Variants in PDE8B observed in about 807,000 individuals in gnomAD.
PDE8B encodes the protein phosphodiesterase 8B, also known as high affinity cAMP-specific and IBMX-insensitive 3',5'-cyclic phosphodiesterase 8B.
A neutral mutation model predicts 101.3 loss-of-function variants in PDE8B; 26 were observed. That is an observed-to-expected ratio of 0.26 (90% CI 0.19 to 0.36). The LOEUF is 0.36. Among genes scored for constraint, PDE8B ranks in the 10% least tolerant of loss-of-function variants. The pLI is 1.00. For synonymous variants in PDE8B, 424 were observed against 429.3 expected, an observed-to-expected ratio of 0.99 and a Z score of 0.15; for missense variants, 810 against 1,163.1, an observed-to-expected ratio of 0.70 and a Z score of 4.42.
chr5:77,407,578 A>G (rs1793740604), intron 13 of PDE8B, 121 bp downstream of exon 13: 1 of 754,652 alleles, frequency 1.3e-6, no homozygotes, highest in Admixed American at 1.9e-5. Flanking sequence ...ATAACAGGCA[A>G]ATAAACACAT....
chr5:77,124,061 A>G, the PDE8B span, among the ~76,000 whole-genome samples: 2 of 152,374 alleles, frequency 1.3e-5, no homozygotes, highest in South Asian at 4.1e-4. Flanking sequence ...AAAAGGATCA[A>G]ACTAATCTGC....
intron 1 of PDE8B, among the ~76,000 whole-genome samples, chr5:77,299,680 C>T (rs151066596): frequency 0.016 from 2,380 of 152,054 alleles, 71 homozygotes; most frequent in East Asian, 0.13. Context: ...CGTTGTTGGA[C>T]ATTTGGGTTG....
At chr5:77,333,628 A>G (rs556369824) in intron 5 of PDE8B, among the ~76,000 whole-genome samples, 6 of 152,262 alleles carry the variant, frequency 3.9e-5, no homozygotes, top group African/African-American at 1.2e-4. Context: ...TCCAACCTCA[A>G]ACTGGTCTAG....
At chr5:77,108,707 A>G in the PDE8B span, among the ~76,000 whole-genome samples, 14 of 152,340 alleles carry the variant, frequency 9.2e-5, no homozygotes, top group East Asian at 1.9e-3. Context: ...TATAAATGCA[A>G]TGAAAAAAAT....
intron 12 of PDE8B, 127 bp downstream of exon 12, chr5:77,404,924 A>G (rs750041580): frequency 1.0e-5 from 7 of 684,656 alleles, no homozygotes; most frequent in Admixed American, 2.1e-5. Context: ...TTATTTTTCA[A>G]TAAGCTCAAA....
chr5:77,210,570 GGGC>G, upstream of PDE8B: 1 of 953,806 alleles, frequency 1.0e-6, no homozygotes, highest in Non-Finnish European at 1.2e-6. This position sits in a 1 kb window ranked among gnomAD's most constrained non-coding sequence, Gnocchi z 4.9. Context: ...AGGTCGAGCT[GGGC>G]GGCGGCGGGG....
intron 10 of PDE8B, among the ~76,000 whole-genome samples, chr5:77,393,541 T>A (rs2150942901): frequency 6.6e-6 from 1 of 152,284 alleles, no homozygotes; most frequent in African/African-American, 2.4e-5. Context: ...AATAAAAAAA[T>A]TACAGGACCA....
Position 77,289,198 on chromosome 5 carries a change from C to T in PDE8B, c.340-22796C>T, listed in dbSNP as rs146700952. Among the ~76,000 whole-genome samples the T allele has an allele frequency of 5.5e-4, 84 of 152,160 alleles. 1 individual carries two copies. The East Asian group carries it at 8.7e-3, about 16-fold the overall frequency. On this transcript the variant is annotated intron_variant, in intron 1 of 21. Coordinates refer to ENST00000264917, the MANE Select transcript of PDE8B (RefSeq NM_003719.5). ...TCAGATTCTCTAAAAGGTTTTGAAA[C>T]GTAAGGTGAAAAGGGAAATGATAAA...
At chr5:77,412,982 G>C (rs982360891) in intron 16 of PDE8B, 129 bp from the exon 17 acceptor site, 213 of 794,116 alleles carry the variant, frequency 2.7e-4, no homozygotes, top group East Asian at 2.5e-3. Flanking sequence ...TAGAGGAGAT[G>C]CTTTTAAACC....
chr5:77,179,938 G>A, the PDE8B span, among the ~76,000 whole-genome samples: 2 of 152,066 alleles, frequency 1.3e-5, no homozygotes, highest in South Asian at 2.1e-4. Context: ...ATATGTATAG[G>A]GACCAATATC....
intron 1 of PDE8B, chr5:77,290,956 G>T: frequency 6.2e-7 from 1 of 1,611,720 alleles, no homozygotes. Context: ...GCAGATACCG[G>T]CACAGCAATG....
intron 10 of PDE8B, among the ~76,000 whole-genome samples, chr5:77,364,384 C>T (rs1475424137): frequency 6.6e-6 from 1 of 152,208 alleles, no homozygotes; most frequent in African/African-American, 2.4e-5. Context: ...ACTCAAGCGT[C>T]TGGATCTTCG....
At chr5:77,162,643 G>A in the PDE8B span, among the ~76,000 whole-genome samples, 7 of 152,158 alleles carry the variant, frequency 4.6e-5, no homozygotes, top group African/African-American at 1.7e-4. Flanking sequence ...TAATCTTGAT[G>A]TTATGTTTGG....
At chr5:77,128,646 A>T in the PDE8B span, among the ~76,000 whole-genome samples, 10 of 152,346 alleles carry the variant, frequency 6.6e-5, no homozygotes, top group African/African-American at 2.4e-4. Context: ...GGCCAAAAGG[A>T]TGTGAAATGG....
At chr5:77,212,698 C>G (rs919112004) in intron 1 of PDE8B, among the ~76,000 whole-genome samples, 3 of 152,154 alleles carry the variant, frequency 2.0e-5, no homozygotes, top group African/African-American at 7.2e-5. Context: ...GTTGCCCATT[C>G]GTTACAGAGG....
At chr5:77,301,015 A>G (rs1479820524) in intron 1 of PDE8B, among the ~76,000 whole-genome samples, 1 of 152,210 alleles carries the variant, frequency 6.6e-6, no homozygotes, top group Non-Finnish European at 1.5e-5. Flanking sequence ...CCCGACAAGG[A>G]TTCATTACCC....
chr5:77,101,158 G>A, the PDE8B span, among the ~76,000 whole-genome samples: 81,165 of 147,660 alleles, frequency 0.55, 23,696 homozygotes, highest in African/African-American at 0.75. Flanking sequence ...TTTGGTAGAG[G>A]TGGGGTCATG....
chr5:77,371,718 TG>T (rs1785111818), intron 10 of PDE8B, among the ~76,000 whole-genome samples: 1 of 152,330 alleles, frequency 6.6e-6, no homozygotes, highest in East Asian at 1.9e-4. Flanking sequence ...GTCCATGATA[TG>T]GGGTAGTTTT....
chr5:77,296,473 G>A (rs1195345732), intron 1 of PDE8B, among the ~76,000 whole-genome samples: 1 of 152,002 alleles, frequency 6.6e-6, no homozygotes, highest in Non-Finnish European at 1.5e-5. Flanking sequence ...ATGTTACCTA[G>A]GCTGGTCTTG....
Sources: allele counts gnomAD v4.1 joint callset (sites outside exome capture counted in the v4.1 genomes callset), GRCh38; gene constraint gnomAD v4.1.1; non-coding constraint Gnocchi (gnomAD v3.1); transcripts MANE v1.5; gene names NCBI Gene and HGNC (gene_info 2026-07-23, HGNC 2026-07-21).